The following TSPEAR variants were observed in gnomAD, a reference collection of about 807,000 sequenced individuals.
TSPEAR encodes the protein thrombospondin-type laminin G domain and EAR repeat-containing protein.
A neutral mutation model predicts 71.6 loss-of-function variants in TSPEAR; 69 were observed. The ratio of observed to expected loss-of-function variants is 0.96; its 90% CI spans 0.79 to 1.18. TSPEAR has a LOEUF of 1.18. TSPEAR is among the 50% of genes most tolerant of loss of function. TSPEAR has a pLI of 0.00. For missense variants in TSPEAR, 971 were observed against 894.9 expected, an observed-to-expected ratio of 1.09 and a Z score of -1.09; for synonymous variants, 402 against 387.2, an observed-to-expected ratio of 1.04 and a Z score of -0.45.
At chr21:44,568,052 A>T (rs1404201289) in intron 1 of TSPEAR, 47 bp from the exon 2 acceptor site, 2 of 1,436,448 alleles carry the variant, frequency 1.4e-6, no homozygotes, top group Non-Finnish European at 1.9e-6. Context: ...CACCCCCAAA[A>T]GTGGATACCC....
intron 1 of TSPEAR, among the ~76,000 whole-genome samples, chr21:44,585,476 T>G (rs1490610292): frequency 6.6e-6 from 1 of 152,210 alleles, no homozygotes; most frequent in Non-Finnish European, 1.5e-5. Context: ...TCTTTCATTC[T>G]TGGCTTCTCT....
intron 1 of TSPEAR, among the ~76,000 whole-genome samples, chr21:44,630,945 A>G (rs1555935586): frequency 6.6e-6 from 1 of 152,230 alleles, no homozygotes; most frequent in Non-Finnish European, 1.5e-5. Context: ...ACAACCAGCA[A>G]CAGCAAACCA....
At position 44,646,534 on chromosome 21, in the gene TSPEAR, T is replaced by A. The variant is rs376512505; in HGVS notation, c.82+64899A>T. On this transcript the variant is annotated intron_variant, in intron 1 of 11. Transcript: ENST00000323084. ...GCAGGTGGACGACTGCCCAGAGAGC[T>A]GCTGTGAGCCCCCCTGCAGCGCCCC... 18 of 1,612,706 alleles carry A rather than the reference T, an allele frequency of 1.1e-5. No homozygotes were observed. In the East Asian group the frequency reaches 4.0e-4, roughly 36 times the overall value.
At chr21:44,679,357 T>C (rs1986471380) in intron 1 of TSPEAR, among the ~76,000 whole-genome samples, 1 of 152,172 alleles carries the variant, frequency 6.6e-6, no homozygotes, top group African/African-American at 2.4e-5. Context: ...GAAAGACCTC[T>C]GCAAAGAAAA....
rs1555911972 is a variant in TSPEAR, at chr21:44,506,592, G to A, written c.1755-1711C>T. On this transcript the variant is annotated intron_variant, in intron 10 of 11. Transcript: ENST00000323084. The surrounding 1 kb of genome is among the most constrained non-coding windows in gnomAD (Gnocchi z 4.2). ...CTCCTCACTCCTTCGGTCAGTCAGG[G>A]TGACATCTGGAGCCACCTCCATTAA... Among the ~76,000 whole-genome samples the A allele has an allele frequency of 2.0e-5, 3 of 152,242 alleles. No individual in the cohort carries two copies. Among genetic ancestry groups the A allele is most frequent in the Non-Finnish European group, 4.4e-5 (3 of 68,052 alleles).
intron 9 of TSPEAR, among the ~76,000 whole-genome samples, chr21:44,512,336 T>TG (rs375240506): frequency 4.6e-5 from 2 of 43,260 alleles, no homozygotes; most frequent in African/African-American, 2.0e-4. Flanking sequence ...CCAAGTGCTG[T>TG]GGGGGTGGGG....
chr21:44,668,505 A>G (rs1232676907), intron 1 of TSPEAR, among the ~76,000 whole-genome samples: 2 of 152,220 alleles, frequency 1.3e-5, no homozygotes, highest in African/African-American at 4.8e-5. Context: ...CCCTGTCAAA[A>G]TCCCAAGGAC....
At chr21:44,634,802 C>A (rs972206579) in intron 1 of TSPEAR, among the ~76,000 whole-genome samples, 11 of 152,092 alleles carry the variant, frequency 7.2e-5, no homozygotes, top group Admixed American at 5.9e-4. Flanking sequence ...TTCATACCCA[C>A]CAAGATGGCT....
At chr21:44,509,590 GGT>G (rs1242387787) in intron 9 of TSPEAR, among the ~76,000 whole-genome samples, 8 of 151,876 alleles carry the variant, frequency 5.3e-5, no homozygotes, top group African/African-American at 1.9e-4. Flanking sequence ...CGGGCGCAGA[GGT>G]GTGAGTGAGC....
At chr21:44,651,427 G>A (rs1555941397) in intron 1 of TSPEAR, among the ~76,000 whole-genome samples, 1 of 152,206 alleles carries the variant, frequency 6.6e-6, no homozygotes, top group East Asian at 1.9e-4. Flanking sequence ...GTGGAGGTCC[G>A]AAGTCTGCTG....
At chr21:44,578,864 C>T (rs1021874628) in intron 1 of TSPEAR, among the ~76,000 whole-genome samples, 9 of 152,208 alleles carry the variant, frequency 5.9e-5, no homozygotes, top group Non-Finnish European at 1.0e-4. Flanking sequence ...GACGCACGGT[C>T]CTGCAGGTGC....
At chr21:44,573,975 G>A (rs375126884) in intron 1 of TSPEAR, 16 of 1,612,032 alleles carry the variant, frequency 9.9e-6, no homozygotes, top group African/African-American at 4.0e-5. Context: ...AGTGACCTGT[G>A]AGCCCAGCCC....
intron 1 of TSPEAR, among the ~76,000 whole-genome samples, chr21:44,613,504 C>G (rs1362005776): frequency 6.6e-6 from 1 of 152,190 alleles, no homozygotes; most frequent in Non-Finnish European, 1.5e-5. Flanking sequence ...AGAGCCCACC[C>G]TACAGAGTCA....
chr21:44,681,225 G>A (rs1986568874), intron 1 of TSPEAR, among the ~76,000 whole-genome samples: 1 of 152,242 alleles, frequency 6.6e-6, no homozygotes, highest in Non-Finnish European at 1.5e-5. Flanking sequence ...CGCGACCCGG[G>A]AAGCAGGACA....
chr21:44,581,557 T>C (rs1555925142), intron 1 of TSPEAR, among the ~76,000 whole-genome samples: 2 of 152,232 alleles, frequency 1.3e-5, no homozygotes, highest in African/African-American at 4.8e-5. Flanking sequence ...TTTAACTCTC[T>C]GGGAACATTT....
At chr21:44,584,443 T>C (rs1022765881) in intron 1 of TSPEAR, among the ~76,000 whole-genome samples, 25 of 152,258 alleles carry the variant, frequency 1.6e-4, no homozygotes, top group Admixed American at 4.6e-4. Context: ...TTGTCTTGTA[T>C]ATACAAGATT....
chr21:44,551,739 C>A (rs2053444595), intron 2 of TSPEAR, among the ~76,000 whole-genome samples: 1 of 152,158 alleles, frequency 6.6e-6, no homozygotes, highest in African/African-American at 2.4e-5. Flanking sequence ...CCTGGCTGAG[C>A]CTGTCCCCCG....
chr21:44,544,083 C>T (rs1555917518), intron 2 of TSPEAR, among the ~76,000 whole-genome samples: 2 of 152,142 alleles, frequency 1.3e-5, no homozygotes, highest in Non-Finnish European at 2.9e-5. Context: ...TGTATCATTA[C>T]TTTAGTCAAC....
At chr21:44,704,546 A>G (rs2838650) in intron 1 of TSPEAR, among the ~76,000 whole-genome samples, 42,676 of 152,198 alleles carry the variant, frequency 0.28, 6,235 homozygotes, top group South Asian at 0.43. Flanking sequence ...CCAGACTTCC[A>G]AGGGGAACAC....
Sources: allele counts gnomAD v4.1 joint callset (sites outside exome capture counted in the v4.1 genomes callset), GRCh38; gene constraint gnomAD v4.1.1; non-coding constraint Gnocchi (gnomAD v3.1); transcripts MANE v1.5; gene names NCBI Gene and HGNC (gene_info 2026-07-23, HGNC 2026-07-21).